The following WNK3 variants were observed in gnomAD, a reference collection of about 807,000 sequenced individuals.
The protein encoded by WNK3 is serine/threonine-protein kinase WNK3.
A neutral mutation model predicts 116.7 loss-of-function variants in WNK3; 18 were observed. The observed-to-expected ratio is 0.15, with a 90% confidence interval of 0.11 to 0.23. WNK3 has a LOEUF of 0.23. WNK3 is among the 10% of genes least tolerant of loss of function. The probability of loss-of-function intolerance (pLI) is 1.00; values close to 1 mark genes in which losing one functional copy is unlikely to be tolerated. For missense variants in WNK3, 993 were observed against 1,323.8 expected, an observed-to-expected ratio of 0.75 and a Z score of 3.88; for synonymous variants, 404 against 469.4, an observed-to-expected ratio of 0.86 and a Z score of 1.80.
chrX:54,335,712 G>C (rs1488641641), intron 1 of WNK3, among the ~76,000 whole-genome samples: 1 of 112,287 alleles, frequency 8.9e-6, no homozygotes, highest in Admixed American at 9.5e-5. Context: ...AATACTCCAA[G>C]TTGTTCTACA....
At chrX:54,298,758 T>G (rs1312492993) in intron 6 of WNK3, among the ~76,000 whole-genome samples, 1 of 112,137 alleles carries the variant, frequency 8.9e-6, no homozygotes, top group Non-Finnish European at 1.9e-5. Context: ...TTAGGCAAAT[T>G]TCCCTAAGCC....
intron 21 of WNK3, 154 bp downstream of exon 21, chrX:54,232,655 C>T (rs2067914825): frequency 2.1e-6 from 1 of 480,553 alleles, no homozygotes; most frequent in East Asian, 3.8e-5. Context: ...CATAAAAGGA[C>T]ATTTAACATC....
chrX:54,317,692 T>C (rs2068976987), intron 2 of WNK3, among the ~76,000 whole-genome samples: 2 of 106,021 alleles, frequency 1.9e-5, no homozygotes, highest in Admixed American at 1.0e-4. Context: ...AGTGCGGTGG[T>C]GCCATCTCAG....
Position 54,280,309 on chromosome X carries a change from A to T in WNK3, c.2037+12579T>A, listed in dbSNP as rs369472757. 2.3e-3 allele frequency among the ~76,000 whole-genome samples: 251 copies of T among 111,146 alleles called. 1 individual carries two copies. The highest frequency in any genetic ancestry group is 9.5e-3 in the South Asian group (25 of 2,638). On this transcript the variant is annotated intron_variant, in intron 10 of 23. Coordinates refer to ENST00000354646, the Ensembl canonical transcript of WNK3. ...AAGACTCTGTCTCAAAAAAAAAAAA[A>T]ATATAAATTGGAAAGCAAAATTAAA...
Position 54,340,141 on chromosome X carries a change from C to T in WNK3, c.-119-6349G>A, listed in dbSNP as rs782744948. 2.7e-5 allele frequency among the ~76,000 whole-genome samples: 3 copies of T among 110,873 alleles called. No homozygotes were observed. In the East Asian group the frequency reaches 8.5e-4, roughly 31 times the overall value. ...CTCCAGCCTGGGTAACAGAATAAGA[C>T]TCAGTCTCAAAAAAACAAAAAACCA... On this transcript the variant is annotated intron_variant, in intron 1 of 23. Transcript: ENST00000354646.
intron 13 of WNK3, among the ~76,000 whole-genome samples, chrX:54,253,577 T>TA (rs1274684069): frequency 5.5e-4 from 57 of 104,437 alleles, no homozygotes; most frequent in African/African-American, 1.7e-3. Flanking sequence ...AAAAATAAAC[T>TA]AAAAAAAAAA....
chrX:54,224,704 G>A (rs1439332430), intron 22 of WNK3, among the ~76,000 whole-genome samples: 1 of 109,285 alleles, frequency 9.2e-6, no homozygotes, highest in Non-Finnish European at 1.9e-5. Flanking sequence ...CGAGTAGCTG[G>A]GACTACAGGC....
At chrX:54,224,843 A>G (rs566441406) in intron 22 of WNK3, among the ~76,000 whole-genome samples, 1 of 111,126 alleles carries the variant, frequency 9.0e-6, no homozygotes. Flanking sequence ...TGCTGGGATT[A>G]CAGGCGTGAG....
intron 1 of WNK3, among the ~76,000 whole-genome samples, chrX:54,350,951 G>T (rs1209266384): frequency 9.1e-6 from 1 of 110,457 alleles, no homozygotes; most frequent in African/African-American, 3.3e-5. Flanking sequence ...GGTGAGAAAA[G>T]TAAGTTGTAG....
At chrX:54,268,352 G>A (rs1557158375) in intron 10 of WNK3, among the ~76,000 whole-genome samples, 1 of 111,170 alleles carries the variant, frequency 9.0e-6, no homozygotes, top group African/African-American at 3.3e-5. Context: ...AACTGGCCGT[G>A]GTGGCACATG....
chrX:54,311,124 T>C lies in WNK3; in HGVS notation c.705A>G (p.Leu235=), dbSNP rs781976129. ...CACTATCAGGGTCAACTTACGTCTT[T>C]AAGGTCCCAGATGTCATTAGTTCAG... Residue 235 remains leucine, a synonymous_variant, in exon 3 of 24, where the codon TTA becomes TTG. Coordinates refer to ENST00000354646, the Ensembl canonical transcript of WNK3. 5 of 1,158,670 alleles carry C rather than the reference T, an allele frequency of 4.3e-6. No individual in the cohort carries two copies. The African/African-American group carries it at 9.1e-5, about 21-fold the overall frequency.
chrX:54,227,657 C>CA (rs1183498000), intron 22 of WNK3, among the ~76,000 whole-genome samples: 5 of 109,582 alleles, frequency 4.6e-5, no homozygotes, highest in East Asian at 2.9e-4. Context: ...TTCATAATAG[C>CA]AAAAAAAAGA....
intron 22 of WNK3, among the ~76,000 whole-genome samples, chrX:54,214,589 G>A (rs950127916): frequency 8.9e-6 from 1 of 111,734 alleles, no homozygotes; most frequent in Non-Finnish European, 1.9e-5. Context: ...GAAACTACTG[G>A]CATCTGTGAC....
At chrX:54,268,061 C>A (rs989987478) in intron 10 of WNK3, among the ~76,000 whole-genome samples, 4 of 96,289 alleles carry the variant, frequency 4.2e-5, no homozygotes, top group Admixed American at 3.7e-4. Context: ...GCAAAGTCAC[C>A]TAAGATATCT....
chrX:54,314,727 C>T (rs1394266265), intron 2 of WNK3, among the ~76,000 whole-genome samples: 1 of 111,226 alleles, frequency 9.0e-6, no homozygotes, highest in Non-Finnish European at 1.9e-5. Context: ...GCCATGTTTG[C>T]GCCACACTGC....
intron 5 of WNK3, among the ~76,000 whole-genome samples, chrX:54,306,651 G>A (rs985617996): frequency 1.8e-5 from 2 of 111,029 alleles, no homozygotes; most frequent in African/African-American, 6.5e-5. Flanking sequence ...GGGAGGAAAT[G>A]GGGAGCTATT....
chrX:54,250,092 C>T, exon 16 of WNK3: 1 of 1,200,015 alleles, frequency 8.3e-7, no homozygotes, highest in Non-Finnish European at 1.1e-6. Flanking sequence ...GATACAGAAT[C>T]GCCACCGACC....
intron 6 of WNK3, among the ~76,000 whole-genome samples, chrX:54,301,387 T>C (rs1230288420): frequency 9.0e-6 from 1 of 111,487 alleles, no homozygotes; most frequent in African/African-American, 3.3e-5. Context: ...ATATTTCTTC[T>C]ATCCATATTA....
At chrX:54,301,790 G>A (rs782598590) in exon 6 of WNK3, 1 of 1,208,474 alleles carries the variant, frequency 8.3e-7, no homozygotes, top group Non-Finnish European at 1.1e-6. Context: ...TTGTTTTGAC[G>A]AATACATCCT....
Sources: gnomAD v4.1 joint callset for allele counts (sites outside exome capture counted in the v4.1 genomes callset) on GRCh38, gnomAD v4.1.1 for gene constraint, MANE v1.5 for transcripts, NCBI Gene and HGNC (gene_info 2026-07-23, HGNC 2026-07-21) for gene names.